PHF21A: variants seen among roughly 807,000 people sequenced by gnomAD.
PHF21A encodes the protein PHD finger protein 21A.
Under a neutral mutation model 82.5 loss-of-function variants are expected in PHF21A, and 11 were observed. That is an observed-to-expected ratio of 0.13 (90% CI 0.08 to 0.22). The LOEUF is 0.22. Among genes scored for constraint, PHF21A ranks in the 10% least tolerant of loss-of-function variants. PHF21A has a pLI of 1.00. For missense variants in PHF21A, 579 were observed against 837.8 expected, an observed-to-expected ratio of 0.69 and a Z score of 3.81; for synonymous variants, 297 against 302.8, an observed-to-expected ratio of 0.98 and a Z score of 0.20.
chr11:46,033,959 G>C (rs2095925639), intron 6 of PHF21A, among the ~76,000 whole-genome samples: 1 of 152,164 alleles, frequency 6.6e-6, no homozygotes. Context: ...TTCCAAAGTT[G>C]TTGAACAATT....
Position 45,929,561 on chromosome 11 carries a change from G to T in PHF21A, c.*4407C>A. The T allele has an allele frequency of 6.5e-6, 1 of 152,986 alleles. No individual in the cohort carries two copies. The highest frequency in any genetic ancestry group is 1.5e-5 in the Non-Finnish European group (1 of 68,642). The allele number at this position is 152,986 out of a possible 1,614,324, so 9.5% of individuals were successfully genotyped here. ...CTAGGAGCTGGCTGACCTCTGGCCT[G>T]CCCGTCCCATCCCGCCTGACTGCAG... is the stretch of plus-strand genomic sequence containing the variant. On this transcript the variant is annotated 3_prime_UTR_variant, in exon 19 of 19. Coordinates refer to ENST00000676320, the MANE Select transcript of PHF21A (RefSeq NM_001352027.3).
chr11:46,028,282 G>T (rs2095792447), intron 6 of PHF21A, among the ~76,000 whole-genome samples: 1 of 152,016 alleles, frequency 6.6e-6, no homozygotes, highest in Admixed American at 6.6e-5. Flanking sequence ...TAAAGTCATG[G>T]TTCTTTTGAA....
Position 46,062,459 on chromosome 11 carries a change from A to T in PHF21A, c.153+14295T>A, listed in dbSNP as rs1199311972. On this transcript the variant is annotated intron_variant, in intron 6 of 18. Coordinates refer to ENST00000676320, the MANE Select transcript of PHF21A (RefSeq NM_001352027.3). ...ATTTTGTTTTCCAACCTTTTTTTTTAAATCAAGAATTGTTTCTGTTTTCTA... is the reference window on the plus strand; with the variant it reads ...ATTTTGTTTTCCAACCTTTTTTTTTTAATCAAGAATTGTTTCTGTTTTCTA... Among the ~76,000 whole-genome samples the T allele has an allele frequency of 2.6e-5, 4 of 151,752 alleles. No homozygotes were observed. In the East Asian group the frequency reaches 7.7e-4, roughly 29 times the overall value.
At chr11:46,066,555 C>T (rs1419119135) in intron 6 of PHF21A, among the ~76,000 whole-genome samples, 2 of 151,956 alleles carry the variant, frequency 1.3e-5, no homozygotes, top group Non-Finnish European at 2.9e-5. Flanking sequence ...ATAAATTAGC[C>T]AGGCGTGACA....
At chr11:46,045,002 A>G (rs959339786) in intron 6 of PHF21A, among the ~76,000 whole-genome samples, 1 of 152,226 alleles carries the variant, frequency 6.6e-6, no homozygotes, top group African/African-American at 2.4e-5. Flanking sequence ...TCCTGTCATA[A>G]CTACTTAATC....
intron 16 of PHF21A, 113 bp downstream of exon 16, chr11:45,938,044 G>A (rs895344592): frequency 2.3e-5 from 21 of 901,086 alleles, no homozygotes; most frequent in African/African-American, 1.7e-4. Flanking sequence ...GATGCAGCCC[G>A]GAGACGGACT....
At chr11:45,948,588 C>T (rs764400309) in intron 14 of PHF21A, among the ~76,000 whole-genome samples, 16 of 152,212 alleles carry the variant, frequency 1.1e-4, no homozygotes, top group Admixed American at 2.0e-4. Context: ...ACATGGGGTT[C>T]TGTTCACTGT....
chr11:45,992,769 C>T (rs1444810556), intron 6 of PHF21A, among the ~76,000 whole-genome samples: 2 of 152,146 alleles, frequency 1.3e-5, no homozygotes, highest in Non-Finnish European at 2.9e-5. Flanking sequence ...CAACTATATA[C>T]AAAATATAAC....
intron 18 of PHF21A, chr11:45,934,754 A>G: frequency 3.0e-6 from 1 of 338,012 alleles, no homozygotes; most frequent in African/African-American, 2.1e-5. Context: ...AGCCCCAAGG[A>G]CAAAGGCCTG....
intron 6 of PHF21A, among the ~76,000 whole-genome samples, chr11:46,070,628 G>T (rs2096646408): frequency 2.0e-5 from 3 of 152,266 alleles, no homozygotes; most frequent in Admixed American, 2.0e-4. Flanking sequence ...ACCGCACCCA[G>T]CCTGGTGACT....
chr11:46,051,463 T>C (rs183832051), intron 6 of PHF21A, among the ~76,000 whole-genome samples: 14 of 152,308 alleles, frequency 9.2e-5, no homozygotes, highest in African/African-American at 3.1e-4. Flanking sequence ...AAGAGTTTAC[T>C]AGGCCTTCAT....
intron 6 of PHF21A, among the ~76,000 whole-genome samples, chr11:46,011,095 T>C (rs1330623455): frequency 1.3e-5 from 2 of 152,224 alleles, no homozygotes; most frequent in Non-Finnish European, 2.9e-5. Flanking sequence ...TACTGGACTC[T>C]TTGATCTTGC....
chr11:46,089,923 T>G (rs1363951548), intron 3 of PHF21A, among the ~76,000 whole-genome samples: 5 of 151,996 alleles, frequency 3.3e-5, no homozygotes, highest in African/African-American at 1.2e-4. Context: ...CATAGCACCC[T>G]CCTTCACAAG....
At chr11:46,066,952 T>C (rs2096601492) in intron 6 of PHF21A, among the ~76,000 whole-genome samples, 1 of 152,258 alleles carries the variant, frequency 6.6e-6, no homozygotes, top group Non-Finnish European at 1.5e-5. Flanking sequence ...ACCGTATGTC[T>C]GTTTTACAAT....
intron 1 of PHF21A, among the ~76,000 whole-genome samples, chr11:46,110,350 C>A (rs912152141): frequency 6.6e-6 from 1 of 152,148 alleles, no homozygotes; most frequent in Non-Finnish European, 1.5e-5. Context: ...ACAACTGTTT[C>A]CTTTATACTG....
chr11:45,933,804 G>T lies in PHF21A; in HGVS notation c.*164C>A. The T allele has an allele frequency of 1.7e-6, 1 of 598,880 alleles. No homozygotes were observed. Among genetic ancestry groups the T allele is most frequent in the Non-Finnish European group, 2.8e-6 (1 of 358,598 alleles). The allele number at this position is 598,880 out of a possible 1,614,324, so 37.1% of individuals were successfully genotyped here. A position where few individuals can be genotyped will look rare whatever the true frequency, so the allele number is the denominator to read the frequency against. ...ACACACAGAATAAGAAGGATCAATT[G>T]GCAAACTCTGGTGCCACCTGGCACA... On this transcript the variant is annotated 3_prime_UTR_variant, in exon 19 of 19. Transcript: ENST00000676320.
At chr11:45,972,317 A>G (rs1486961082) in intron 7 of PHF21A, among the ~76,000 whole-genome samples, 1 of 152,176 alleles carries the variant, frequency 6.6e-6, no homozygotes, top group East Asian at 1.9e-4. Flanking sequence ...AAATATAAAC[A>G]AACTCATTAT....
chr11:46,093,903 T>G (rs1162979096), intron 1 of PHF21A, among the ~76,000 whole-genome samples: 1 of 152,138 alleles, frequency 6.6e-6, no homozygotes, highest in Non-Finnish European at 1.5e-5. Context: ...GATTAGGAAG[T>G]AAAATATTAC....
chr11:46,071,706 A>G (rs1237440386), intron 6 of PHF21A, among the ~76,000 whole-genome samples: 5 of 145,272 alleles, frequency 3.4e-5, no homozygotes, highest in Non-Finnish European at 7.5e-5. Flanking sequence ...AAAAGGGTAT[A>G]TCTATCAAAG....
Sources: gnomAD v4.1 joint callset for allele counts (sites outside exome capture counted in the v4.1 genomes callset) on GRCh38, gnomAD v4.1.1 for gene constraint, MANE v1.5 for transcripts, NCBI Gene and HGNC (gene_info 2026-07-23, HGNC 2026-07-21) for gene names.